The following CUBN variants were observed in gnomAD, a reference collection of about 807,000 sequenced individuals.
The protein encoded by CUBN is 460 kDa receptor.
Under a neutral mutation model 405.3 loss-of-function variants are expected in CUBN, and 282 were observed. The observed-to-expected ratio is 0.70, with a 90% confidence interval of 0.63 to 0.77. The LOEUF is 0.77. CUBN is among the 30% of genes least tolerant of loss of function. CUBN has a pLI of 0.00. For missense variants in CUBN, 4,514 were observed against 4,475.2 expected (o/e 1.01, Z -0.25); for synonymous variants, 1,684 against 1,617.0 (o/e 1.04, Z -0.99).
chr10:16,903,929 T>C, intron 51 of CUBN, 37 bp downstream of exon 51: 1 of 1,412,352 alleles, frequency 7.1e-7, no homozygotes, highest in Non-Finnish European at 9.8e-7. Context: ...TTAATCTTTA[T>C]AAGTAATTTT....
At chr10:17,099,942 C>T (rs1836459459) in intron 14 of CUBN, 63 bp downstream of exon 14, 1 of 1,027,634 alleles carries the variant, frequency 9.7e-7, no homozygotes, top group Non-Finnish European at 1.5e-6. Flanking sequence ...AAGTCTAACA[C>T]TGATTAAGAA....
At position 16,882,798 on chromosome 10, in the gene CUBN, G is replaced by A. The variant is rs2131386856; in HGVS notation, c.8905+5619C>T. ...GGAGGCCGAGGCAGGCAGATCACTT[G>A]AGGTCAGGAGTTTGAGACCAGCCCG... On this transcript the variant is annotated intron_variant, in intron 56 of 66. Transcript: ENST00000377833. 2.6e-5 allele frequency among the ~76,000 whole-genome samples: 4 copies of A among 152,290 alleles called. No individual in the cohort carries two copies. In the South Asian group the frequency reaches 8.3e-4, roughly 32 times the overall value.
chr10:17,010,782 C>T (rs1834159216), intron 28 of CUBN, among the ~76,000 whole-genome samples: 1 of 152,166 alleles, frequency 6.6e-6, no homozygotes, highest in African/African-American at 2.4e-5. Flanking sequence ...CTGTGGATGA[C>T]CACTGACTAT....
rs543661545 is a variant in CUBN, at chr10:16,937,699, G to C, written c.5819C>G (p.Ser1940Cys). Residue 1940 changes from serine to cysteine, a missense_variant, in exon 39 of 67, where the codon TCT (serine) becomes TGT (cysteine). Physicochemically the swap from Ser to Cys is moderately radical, Grantham distance 112 (BLOSUM62 -1). Transcript: ENST00000377833. ...GTCGGAGTAAAAATGAAATGTCAAA[G>C]AATTTCCAGTGGAGCTGAAAGATTC... is the stretch of plus-strand genomic sequence containing the variant. ...QTESFSSTGN[S>C]LTFHFYSDSS... The C allele has an allele frequency of 1.9e-6, 3 of 1,614,100 alleles. No homozygotes were observed. Among genetic ancestry groups the C allele is most frequent in the Admixed American group, 3.3e-5 (2 of 60,014 alleles).
chr10:16,955,361 C>T (rs930439273), intron 31 of CUBN, among the ~76,000 whole-genome samples: 4 of 111,970 alleles, frequency 3.6e-5, no homozygotes, highest in African/African-American at 6.8e-5. Context: ...CAACAGAGAG[C>T]GAGATTCTGT....
chr10:17,122,773 C>CAAAAAA, intron 6 of CUBN, 22 bp downstream of exon 6: 4 of 1,273,692 alleles, frequency 3.1e-6, no homozygotes, highest in Admixed American at 3.8e-5. Flanking sequence ...TGATATTTAC[C>CAAAAAA]AAAAAAAAAA....
chr10:16,973,853 G>C (rs180702501), intron 31 of CUBN, among the ~76,000 whole-genome samples: 29 of 152,250 alleles, frequency 1.9e-4, no homozygotes, highest in Admixed American at 1.4e-3. Context: ...CACATTCCCT[G>C]GTGTATACGT....
intron 22 of CUBN, among the ~76,000 whole-genome samples, chr10:17,054,742 T>C (rs1175454984): frequency 6.6e-6 from 1 of 152,070 alleles, no homozygotes; most frequent in African/African-American, 2.4e-5. Context: ...TCTTTCAAAA[T>C]TCCCATAACT....
chr10:17,052,168 A>G (rs1233561024), intron 22 of CUBN, among the ~76,000 whole-genome samples: 2 of 152,194 alleles, frequency 1.3e-5, no homozygotes, highest in Admixed American at 1.3e-4. Flanking sequence ...GAGATGGGGA[A>G]AACAGGTTTA....
rs1801232 is a variant in CUBN, at chr10:16,828,913, G to T, written c.10656C>A (p.Asn3552Lys). 132,265 of 1,614,018 alleles carry T rather than the reference G, an allele frequency of 0.082. 6,257 individuals are homozygous for T. The highest frequency in any genetic ancestry group is 0.13 in the South Asian group (11,995 of 91,080). Residue 3552 changes from asparagine to lysine, a missense_variant, in exon 66 of 67, where the codon AAC becomes AAA. Transcript: ENST00000377833. ...VAPAGRLVTI[N>K]FYFISIDDPG... is the part of the protein sequence containing the mutation. ...GATCGTCAATGCTGATGAAGTAGAA[G>T]TTGATGGTGACAAGCCTTCCAGCAG...
Position 16,981,641 on chromosome 10 carries a change from C to T in CUBN, c.4695+843G>A, listed in dbSNP as rs562911580. On this transcript the variant is annotated intron_variant, in intron 31 of 66. Coordinates refer to ENST00000377833, the MANE Select transcript of CUBN (RefSeq NM_001081.4). ...AACAAGCTTGGACGCTGCCGTGGGCCGTGCACAGAGCCTGCTCCCACCAGA... is the reference window on the plus strand; with the variant it reads ...AACAAGCTTGGACGCTGCCGTGGGCTGTGCACAGAGCCTGCTCCCACCAGA... 3.9e-5 allele frequency among the ~76,000 whole-genome samples: 6 copies of T among 152,242 alleles called. No individual in the cohort carries two copies. The East Asian group carries it at 5.8e-4, about 15-fold the overall frequency.
At chr10:17,056,825 T>G (rs1213230675) in intron 22 of CUBN, among the ~76,000 whole-genome samples, 4 of 152,028 alleles carry the variant, frequency 2.6e-5, no homozygotes, top group Non-Finnish European at 5.9e-5. Context: ...AAGGACGTAT[T>G]TGTATGCAGA....
rs537196313 is a variant in CUBN at position 17,090,736 on chromosome 10, T to G, written c.1766-2391A>C. 1.3e-4 allele frequency among the ~76,000 whole-genome samples: 19 copies of G among 151,302 alleles called. 1 individual carries two copies. The South Asian group carries it at 1.5e-3, about 12-fold the overall frequency. On this transcript the variant is annotated intron_variant, in intron 14 of 66. Transcript: ENST00000377833. The stretch of plus-strand genomic sequence containing the variant: ...TATTAGTATTGTTATTTTGAAAATA[T>G]GTACAGTAGGACTAAGTACATAAAT...
intron 59 of CUBN, among the ~76,000 whole-genome samples, chr10:16,867,141 T>A (rs1264618514): frequency 6.6e-6 from 1 of 152,214 alleles, no homozygotes; most frequent in Admixed American, 6.5e-5. Flanking sequence ...CCTCTTCACA[T>A]CAATTATTTA....
At chr10:17,059,967 C>T (rs1835467848) in intron 22 of CUBN, among the ~76,000 whole-genome samples, 1 of 152,178 alleles carries the variant, frequency 6.6e-6, no homozygotes, top group Non-Finnish European at 1.5e-5. Flanking sequence ...CAGGCATTAT[C>T]ACCACACTTT....
intron 19 of CUBN, among the ~76,000 whole-genome samples, chr10:17,071,135 G>A (rs1411484741): frequency 1.3e-5 from 2 of 152,112 alleles, no homozygotes; most frequent in African/African-American, 2.4e-5. Flanking sequence ...TGATCATGGA[G>A]TTTTTGTTCT....
chr10:17,102,369 C>A (rs774660664), intron 13 of CUBN, among the ~76,000 whole-genome samples: 2 of 151,638 alleles, frequency 1.3e-5, no homozygotes, highest in African/African-American at 4.8e-5. Flanking sequence ...TCACTGGAAC[C>A]TCTGCCTCCT....
chr10:16,994,289 G>C (rs1833670877), intron 28 of CUBN, among the ~76,000 whole-genome samples: 1 of 152,028 alleles, frequency 6.6e-6, no homozygotes, highest in African/African-American at 2.4e-5. Flanking sequence ...AAAAAAGAAA[G>C]ACATTTATAG....
chr10:16,947,382 A>G lies in CUBN; in HGVS notation c.5210-15T>C, dbSNP rs753367949. On this transcript the variant is annotated splice_polypyrimidine_tract_variant and intron_variant, in intron 35 of 66. Transcript: ENST00000377833. ...TCCACCACAAGCTGGAAGAAAATAG[A>G]AATAAAGTGAGTATCAGAGCAAAGA... 1 of 1,613,960 alleles carries G rather than the reference A, an allele frequency of 6.2e-7. No homozygotes were observed. Among genetic ancestry groups the G allele is most frequent in the South Asian group, 1.1e-5 (1 of 91,080 alleles).
Sources: gnomAD v4.1 joint callset for allele counts (sites outside exome capture counted in the v4.1 genomes callset) on GRCh38, gnomAD v4.1.1 for gene constraint, MANE v1.5 for transcripts, NCBI Gene and HGNC (gene_info 2026-07-23, HGNC 2026-07-21) for gene names.